MAP2K7: variants seen among roughly 807,000 people sequenced by gnomAD.
MAP2K7 encodes the protein mitogen-activated protein kinase kinase 7.
MAP2K7 carries 12 observed loss-of-function variants against 47.7 expected under a neutral mutation model. That is an observed-to-expected ratio of 0.25 (90% CI 0.16 to 0.41). MAP2K7 has a LOEUF of 0.41. Ranked by LOEUF, MAP2K7 falls within the 10% of genes least tolerant of loss-of-function variation. The pLI is 1.00. For synonymous variants in MAP2K7, 299 were observed against 243.0 expected (o/e 1.23, Z -2.14); for missense variants, 415 against 600.3 (o/e 0.69, Z 3.23).
At chr19:7,911,715 C>A in intron 9 of MAP2K7, 137 bp downstream of exon 9, 1 of 927,280 alleles carries the variant, frequency 1.1e-6, no homozygotes, top group Non-Finnish European at 1.6e-6. Flanking sequence ...TGGCTGGCGG[C>A]TGCCACAGGA....
intron 1 of MAP2K7, chr19:7,905,662 A>C (rs1982397470): frequency 1.4e-5 from 10 of 707,156 alleles, no homozygotes; most frequent in Admixed American, 1.9e-5. Context: ...CGCCCTCCCC[A>C]TCTCTGTCGG....
intron 1 of MAP2K7, among the ~76,000 whole-genome samples, chr19:7,904,757 T>C (rs1369614901): frequency 6.6e-6 from 1 of 152,056 alleles, no homozygotes; most frequent in Non-Finnish European, 1.5e-5. Flanking sequence ...ACTGCCACCA[T>C]CTTGGTGAGC....
In MAP2K7 at chr19:7,914,314, AGAGGGCGGACCGGGTGGGCAGGGGCCT is replaced by A. The variant is rs1983153833; in HGVS notation, c.*1889_*1915del. ...CACCAGCCATCCCTCTGGACCAGGC[AGAGGGCGGACCGGGTGGGCAGGGGCCT>A]GAGGGTGGCTCGGGCCAGCCCACCA... On this transcript the variant is annotated 3_prime_UTR_variant, in exon 11 of 11. Transcript: ENST00000397979. 3.9e-5 allele frequency: 6 copies of A among 152,322 alleles called. No homozygotes were observed. The South Asian group carries it at 1.2e-3, about 32-fold the overall frequency. The allele number at this position is 152,322 out of a possible 1,614,324, so 9.4% of individuals were successfully genotyped here.
At chr19:7,912,084 CAG>C (rs565521129) in intron 9 of MAP2K7, 63 bp from the exon 10 acceptor site, 530 of 1,512,998 alleles carry the variant, frequency 3.5e-4, no homozygotes, top group African/African-American at 2.9e-3. Flanking sequence ...GGCCTGAGCA[CAG>C]GGGTGGGGCC....
At position 7,910,120 on chromosome 19, in the gene MAP2K7, C is replaced by T. The variant is rs775833934; in HGVS notation, c.324C>T (p.Ile108=). The T allele has an allele frequency of 9.3e-6, 15 of 1,606,418 alleles. No homozygotes were observed. The highest frequency in any genetic ancestry group is 1.1e-5 in the Non-Finnish European group (13 of 1,177,242). ...TGAAGCAGACGGGCTACCTGACCAT[C>T]GGGGGCCAGGTACCACCTTCACTGT... The part of the protein sequence containing the change: ...EIMKQTGYLT[I]GGQRYQAEIN... Residue 108 remains isoleucine, a synonymous_variant, in exon 3 of 11, where the codon ATC becomes ATT. Coordinates refer to ENST00000397979, the MANE Select transcript of MAP2K7 (RefSeq NM_145185.4).
Position 7,912,463 on chromosome 19 carries a change from C to T in MAP2K7, c.*32C>T, listed in dbSNP as rs761691820. On this transcript the variant is annotated 3_prime_UTR_variant, in exon 11 of 11. Coordinates refer to ENST00000397979, the MANE Select transcript of MAP2K7 (RefSeq NM_145185.4). The stretch of plus-strand genomic sequence containing the variant: ...GGCGGCGGCCAGCCCCACAGGGGGC[C>T]AGGGGCATGGCCACAGGCCCCCCTC... The T allele has an allele frequency of 1.3e-6, 2 of 1,592,910 alleles. No homozygotes were observed. Among genetic ancestry groups the T allele is most frequent in the Admixed American group, 1.7e-5 (1 of 58,442 alleles).
intron 1 of MAP2K7, among the ~76,000 whole-genome samples, chr19:7,907,503 G>A (rs769904100): frequency 1.3e-5 from 2 of 152,184 alleles, no homozygotes; most frequent in South Asian, 2.1e-4. Flanking sequence ...TCTCTCATCC[G>A]TTCTCTTTCT....
At position 7,910,853 on chromosome 19, in the gene MAP2K7, G is replaced by A. The variant is rs1226223357; in HGVS notation, c.675+50G>A. ...CTGGGCAGGATGACAGAGGCGGTGA[G>A]TGACCAGGCGGGGCGTGCACTGGGC... On this transcript the variant is annotated intron_variant, in intron 6 of 10. Transcript: ENST00000397979. 3 of 1,573,092 alleles carry A rather than the reference G, an allele frequency of 1.9e-6. No individual in the cohort carries two copies. In the African/African-American group the frequency reaches 4.0e-5, roughly 21 times the overall value.
chr19:7,904,235 G>T (rs1277556064), intron 1 of MAP2K7, among the ~76,000 whole-genome samples, 167 bp downstream of exon 1: 5 of 151,966 alleles, frequency 3.3e-5, no homozygotes, highest in Non-Finnish European at 7.4e-5. Flanking sequence ...GACCCGGGGG[G>T]CGTGGAGCCG....
intron 1 of MAP2K7, chr19:7,905,937 A>G: frequency 8.1e-7 from 1 of 1,232,366 alleles, no homozygotes; most frequent in Non-Finnish European, 1.2e-6. Flanking sequence ...GGCGTCCCCC[A>G]GCCCCCATGC....
chr19:7,906,200 G>C, intron 1 of MAP2K7: 1 of 331,432 alleles, frequency 3.0e-6, no homozygotes, highest in Admixed American at 4.3e-5. Context: ...GGGCCTGGTG[G>C]GTGGGTGGCC....
At position 7,912,397 on chromosome 19, in the gene MAP2K7, T is replaced by G; in HGVS notation, c.1226T>G (p.Val409Gly). 6.2e-7 allele frequency: 1 copy of G among 1,612,568 alleles called. No homozygotes were observed. The highest frequency in any genetic ancestry group is 8.5e-7 in the Non-Finnish European group (1 of 1,179,938). The change falls in exon 11 of 11, where the codon GTC becomes GGC. Residue 409 changes from valine to glycine, a missense_variant. By Grantham distance (109) the Val-to-Gly change is moderately radical. Around this residue, in one of 3 missense-constraint regions of MAP2K7, gnomAD observed 94 missense variants for 105.2 expected, o/e 0.89. Coordinates refer to ENST00000397979, the MANE Select transcript of MAP2K7 (RefSeq NM_145185.4). ...AKTESPRTSG[V>G]LSQPHLPFFR ...ACTGAGTCACCGCGGACTAGCGGCG[T>G]CCTGAGCCAGCCCCACCTGCCCTTC...
rs755389829 is a variant in MAP2K7, at chr19:7,910,671, C to T, written c.568-25C>T. 8 of 1,605,628 alleles carry T rather than the reference C, an allele frequency of 5.0e-6. No individual in the cohort carries two copies. In the African/African-American group the frequency reaches 9.4e-5, roughly 19 times the overall value. Reference sequence around the variant, plus strand: ...GGGGGGTGGGCCGGAAGACACAGCTCCCCCGGGTGCCCCTCTCCCTGCAGA... The same window carrying T: ...GGGGGGTGGGCCGGAAGACACAGCTTCCCCGGGTGCCCCTCTCCCTGCAGA... On this transcript the variant is annotated intron_variant, in intron 5 of 10. Transcript: ENST00000397979.
rs1458002330 is a variant in MAP2K7 at position 7,904,409 on chromosome 19, C to T, written c.124+341C>T. 2.1e-5 allele frequency: 7 copies of T among 338,176 alleles called. 1 individual carries two copies. Among genetic ancestry groups the T allele is most frequent in the Admixed American group, 3.7e-5 (1 of 27,266 alleles). 20.9% of individuals were successfully genotyped at this position (338,176 alleles called of 1,614,324 possible). A position where few individuals can be genotyped will look rare whatever the true frequency, so the allele number is the denominator to read the frequency against. Reference sequence around the variant, plus strand: ...ATCCAGGTCGCCCCGAAAACACAGACACGTCCCTGTTGACCTGATGCTACC... The same window carrying T: ...ATCCAGGTCGCCCCGAAAACACAGATACGTCCCTGTTGACCTGATGCTACC... On this transcript the variant is annotated intron_variant, in intron 1 of 10. Transcript: ENST00000397979.
chr19:7,912,896 GTC>G lies in MAP2K7; in HGVS notation c.*471_*472del, dbSNP rs1353819413. The G allele has an allele frequency of 5.5e-6, 1 of 182,042 alleles. No homozygotes were observed. The highest frequency in any genetic ancestry group is 1.2e-5 in the Non-Finnish European group (1 of 85,256). 11.3% of individuals were successfully genotyped at this position (182,042 alleles called of 1,614,324 possible). A position where few individuals can be genotyped will look rare whatever the true frequency, so the allele number is the denominator to read the frequency against. ...CTCTCCCGTCACCCTCCCTGCCTCT[GTC>G]TCTCTTCTGGCCTGAGCCTGGGCCC... is the stretch of plus-strand genomic sequence containing the variant. On this transcript the variant is annotated 3_prime_UTR_variant, in exon 11 of 11. Coordinates refer to ENST00000397979, the MANE Select transcript of MAP2K7 (RefSeq NM_145185.4).
At chr19:7,906,395 A>C (rs1271030157) in intron 1 of MAP2K7, 3 of 154,676 alleles carry the variant, frequency 1.9e-5, no homozygotes, top group Non-Finnish European at 2.9e-5. Flanking sequence ...AGAACATTCT[A>C]GCTGGGTGAG....
At chr19:7,905,425 G>T (rs145135072) in intron 1 of MAP2K7, among the ~76,000 whole-genome samples, 1 of 152,160 alleles carries the variant, frequency 6.6e-6, no homozygotes, top group Admixed American at 6.5e-5. Context: ...GGATTCTGGT[G>T]CAGGACACTG....
At chr19:7,908,994 A>G (rs1982637960) in intron 1 of MAP2K7, among the ~76,000 whole-genome samples, 1 of 151,482 alleles carries the variant, frequency 6.6e-6, no homozygotes, top group Admixed American at 6.6e-5. Flanking sequence ...AGCTGCCCGC[A>G]TGCAGGCTGC....
chr19:7,904,083 G>A lies in MAP2K7; in HGVS notation c.124+15G>A. On this transcript the variant is annotated intron_variant, in intron 1 of 10. Transcript: ENST00000397979. ...GCCCAGGCCCAGTAAGCACGGCGGCGTGGGGGAGGGGGCGGGCGGGCGGGG... is the reference window on the plus strand; with the variant it reads ...GCCCAGGCCCAGTAAGCACGGCGGCATGGGGGAGGGGGCGGGCGGGCGGGG... 1 of 1,307,060 alleles carries A rather than the reference G, an allele frequency of 7.7e-7. No homozygotes were observed. The highest frequency in any genetic ancestry group is 9.8e-7 in the Non-Finnish European group (1 of 1,023,214). 81.0% of individuals were successfully genotyped at this position (1,307,060 alleles called of 1,614,324 possible).
Sources: allele counts gnomAD v4.1 joint callset (sites outside exome capture counted in the v4.1 genomes callset), GRCh38; gene constraint gnomAD v4.1.1; regional missense constraint gnomAD v4.1.1; transcripts MANE v1.5; gene names NCBI Gene and HGNC (gene_info 2026-07-23, HGNC 2026-07-21).